The following TAFA2 variants were observed in gnomAD, a reference collection of about 807,000 sequenced individuals.
The protein encoded by TAFA2 is chemokine-like protein TAFA-2.
TAFA2 carries 7 observed loss-of-function variants against 18.8 expected under a neutral mutation model. That is an observed-to-expected ratio of 0.37 (90% CI 0.21 to 0.70). The LOEUF is 0.70. TAFA2 is among the 30% of genes least tolerant of loss of function. The pLI, the probability that TAFA2 is intolerant of heterozygous loss-of-function variation, is 0.53. For missense variants in TAFA2, 122 were observed against 158.1 expected, an observed-to-expected ratio of 0.77 and a Z score of 1.23; for synonymous variants, 60 against 54.2, an observed-to-expected ratio of 1.11 and a Z score of -0.47.
At chr12:61,740,817 T>C (rs1389552633) in intron 4 of TAFA2, among the ~76,000 whole-genome samples, 1 of 150,402 alleles carries the variant, frequency 6.6e-6, no homozygotes, top group Non-Finnish European at 1.5e-5. Context: ...AGGCTAATCC[T>C]ACCATAAATC....
At chr12:61,919,251 G>A (rs190348766) in intron 1 of TAFA2, among the ~76,000 whole-genome samples, 1 of 152,122 alleles carries the variant, frequency 6.6e-6, no homozygotes, top group African/African-American at 2.4e-5. Flanking sequence ...CAAAAGACTT[G>A]CTAATTTAGT....
chr12:61,942,166 C>A (rs1447696149), intron 1 of TAFA2, among the ~76,000 whole-genome samples: 2 of 148,056 alleles, frequency 1.4e-5, no homozygotes, highest in African/African-American at 5.0e-5. Flanking sequence ...AGCAGCCTAA[C>A]TGGGAGGCAC....
chr12:62,113,295 C>A (rs1050730656), intron 1 of TAFA2, among the ~76,000 whole-genome samples: 23 of 152,188 alleles, frequency 1.5e-4, no homozygotes, highest in Non-Finnish European at 7.3e-5. Context: ...CCCCGTTTCC[C>A]TGGGTATCAC....
At chr12:62,153,998 C>A (rs1168726254) in intron 1 of TAFA2, among the ~76,000 whole-genome samples, 1 of 125,520 alleles carries the variant, frequency 8.0e-6, no homozygotes, top group Non-Finnish European at 1.7e-5. Flanking sequence ...TGTACTAGAG[C>A]CTCATACTCC....
At chr12:61,944,326 G>C (rs1372675151) in intron 1 of TAFA2, among the ~76,000 whole-genome samples, 3 of 150,892 alleles carry the variant, frequency 2.0e-5, no homozygotes, top group Non-Finnish European at 4.4e-5. Flanking sequence ...GAAATTTATA[G>C]CACTAAATGC....
intron 1 of TAFA2, among the ~76,000 whole-genome samples, chr12:62,061,472 A>C (rs1882347017): frequency 6.6e-6 from 1 of 152,222 alleles, no homozygotes; most frequent in Non-Finnish European, 1.5e-5. Context: ...ACACTCTGTG[A>C]TGTCACATGA....
chr12:61,848,851 T>C (rs1873517688), intron 2 of TAFA2, among the ~76,000 whole-genome samples: 1 of 151,472 alleles, frequency 6.6e-6, no homozygotes, highest in East Asian at 1.9e-4. Context: ...GTAGGTACTT[T>C]TTTTTTTTTT....
At chr12:61,737,051 A>C (rs754979971) in intron 4 of TAFA2, among the ~76,000 whole-genome samples, 1 of 151,932 alleles carries the variant, frequency 6.6e-6, no homozygotes, top group East Asian at 1.9e-4. Flanking sequence ...ATTGTAGTCC[A>C]GGGTCCTGAA....
intron 1 of TAFA2, among the ~76,000 whole-genome samples, chr12:62,007,252 C>G (rs1464684563): frequency 6.6e-6 from 1 of 152,226 alleles, no homozygotes; most frequent in African/African-American, 2.4e-5. Flanking sequence ...CGTCTTACAG[C>G]TCATTTAGGG....
chr12:62,139,583 G>T (rs1332574603), intron 1 of TAFA2, among the ~76,000 whole-genome samples: 1 of 152,052 alleles, frequency 6.6e-6, no homozygotes, highest in East Asian at 1.9e-4. Context: ...ACAGAAGAAG[G>T]GATACTTTAG....
At chr12:61,756,704 A>T (rs765723487) in intron 2 of TAFA2, among the ~76,000 whole-genome samples, 1 of 152,114 alleles carries the variant, frequency 6.6e-6, no homozygotes, top group Non-Finnish European at 1.5e-5. Context: ...ACAGTAGAGT[A>T]GAGTAGAGTA....
chr12:62,018,672 T>G (rs919172743), intron 1 of TAFA2, among the ~76,000 whole-genome samples: 1 of 152,114 alleles, frequency 6.6e-6, no homozygotes, highest in African/African-American at 2.4e-5. Context: ...CAAAAATTAA[T>G]TCAAGATGGA....
intron 1 of TAFA2, among the ~76,000 whole-genome samples, chr12:61,913,752 A>C (rs1486363664): frequency 2.0e-5 from 3 of 152,190 alleles, no homozygotes; most frequent in African/African-American, 7.2e-5. Flanking sequence ...TCATGAAGGA[A>C]ACCCACAACC....
intron 2 of TAFA2, among the ~76,000 whole-genome samples, chr12:61,809,708 A>C (rs1871779260): frequency 6.6e-6 from 1 of 151,358 alleles, no homozygotes; most frequent in Non-Finnish European, 1.5e-5. Flanking sequence ...TTTTTACTAT[A>C]AGGGAAAACC....
chr12:61,744,441 T>G (rs1463078291), intron 4 of TAFA2, among the ~76,000 whole-genome samples: 2 of 152,094 alleles, frequency 1.3e-5, no homozygotes, highest in Non-Finnish European at 2.9e-5. Flanking sequence ...GATGATATAT[T>G]TTTTTGCATT....
intron 1 of TAFA2, among the ~76,000 whole-genome samples, chr12:62,132,299 G>GAA (rs3031069): frequency 6.1e-5 from 9 of 147,530 alleles, no homozygotes; most frequent in South Asian, 2.1e-4. Flanking sequence ...ACAGTTAGCA[G>GAA]AAAAAAAAAA....
At chr12:62,041,337 T>C (rs1004775903) in intron 1 of TAFA2, among the ~76,000 whole-genome samples, 3 of 152,194 alleles carry the variant, frequency 2.0e-5, no homozygotes, top group Non-Finnish European at 4.4e-5. Flanking sequence ...AAAACTCATA[T>C]TCTTTGCATG....
chr12:61,803,051 T>G (rs1278597886), intron 2 of TAFA2, among the ~76,000 whole-genome samples: 1 of 151,986 alleles, frequency 6.6e-6, no homozygotes, highest in African/African-American at 2.4e-5. Flanking sequence ...GGGAAAAAAC[T>G]GTTCTGTTTT....
intron 1 of TAFA2, among the ~76,000 whole-genome samples, chr12:62,201,159 T>C (rs1347045486): frequency 6.6e-6 from 1 of 152,228 alleles, no homozygotes; most frequent in Non-Finnish European, 1.5e-5. Flanking sequence ...TGGGGTTTTC[T>C]AGATATAGGA....
Sources: gnomAD v4.1 joint callset for allele counts (sites outside exome capture counted in the v4.1 genomes callset) on GRCh38, gnomAD v4.1.1 for gene constraint, MANE v1.5 for transcripts, NCBI Gene and HGNC (gene_info 2026-07-23, HGNC 2026-07-21) for gene names.